The following SMARCAL1 variants were observed in gnomAD, a reference collection of about 807,000 sequenced individuals.
SMARCAL1 encodes the protein ATP-driven annealing helicase.
SMARCAL1 carries 58 observed loss-of-function variants against 94.5 expected under a neutral mutation model. The ratio of observed to expected loss-of-function variants is 0.61; its 90% CI spans 0.50 to 0.76. The LOEUF is 0.76. Among genes scored for constraint, SMARCAL1 ranks in the 30% least tolerant of loss-of-function variants. SMARCAL1 has a pLI of 0.00. For missense variants in SMARCAL1, 1,051 were observed against 1,177.9 expected (o/e 0.89, Z 1.58); for synonymous variants, 422 against 455.1 (o/e 0.93, Z 0.93).
At chr2:216,431,742 A>G (rs996645152) in intron 7 of SMARCAL1, among the ~76,000 whole-genome samples, 2 of 152,178 alleles carry the variant, frequency 1.3e-5, no homozygotes, top group African/African-American at 4.8e-5. Context: ...CTGGCTCTGA[A>G]ATAGTGGAAT....
At chr2:216,435,284 A>C in intron 8 of SMARCAL1, 54 bp from the exon 9 acceptor site, 2 of 1,597,676 alleles carry the variant, frequency 1.3e-6, no homozygotes, top group Non-Finnish European at 8.6e-7. Flanking sequence ...GTCACAACCA[A>C]CAGCTGCTGT....
At chr2:216,432,683 G>A (rs370338158) in intron 7 of SMARCAL1, 35 bp from the exon 8 acceptor site, 98 of 1,613,554 alleles carry the variant, frequency 6.1e-5, no homozygotes, top group African/African-American at 5.5e-4. Context: ...CTCATGCCCC[G>A]GGAAATGTGC....
At chr2:216,423,555 A>G (rs968273516) in intron 5 of SMARCAL1, 78 bp from the exon 6 acceptor site, 131 of 1,221,656 alleles carry the variant, frequency 1.1e-4, no homozygotes, top group Admixed American at 6.9e-4. Flanking sequence ...TATGAAACCA[A>G]GGAATAAATG....
In SMARCAL1 at chr2:216,416,101, T is replaced by C. The variant is rs2306638; in HGVS notation, c.812-156T>C. ...GAATAAAAGAATTATCTATATTTAC[T>C]ATTTGTCCTCTACAGAGATTTTTAT... On this transcript the variant is annotated intron_variant, in intron 3 of 17. Coordinates refer to ENST00000357276, the MANE Select transcript of SMARCAL1 (RefSeq NM_014140.4). The C allele has an allele frequency of 0.036, 24,961 of 697,186 alleles. 1,266 individuals carry two copies. The highest frequency in any genetic ancestry group is 0.16 in the East Asian group (5,576 of 35,502). The allele number at this position is 697,186 out of a possible 1,614,324, so 43.2% of individuals were successfully genotyped here. A position where few individuals can be genotyped will look rare whatever the true frequency, so the allele number is the denominator to read the frequency against.
chr2:216,466,757 C>T (rs193273895), intron 13 of SMARCAL1, among the ~76,000 whole-genome samples: 7 of 152,132 alleles, frequency 4.6e-5, no homozygotes, highest in African/African-American at 7.2e-5. Context: ...ATGCTGTAGC[C>T]GTAAACTTTT....
At chr2:216,466,678 A>G (rs1694836228) in intron 13 of SMARCAL1, among the ~76,000 whole-genome samples, 1 of 152,238 alleles carries the variant, frequency 6.6e-6, no homozygotes, top group Non-Finnish European at 1.5e-5. Flanking sequence ...GGAAAGACGC[A>G]TTAGGAAAAT....
At position 216,482,112 on chromosome 2, in the gene SMARCAL1, A is replaced by T. The variant is rs775041201; in HGVS notation, c.2626-626A>T. On this transcript the variant is annotated intron_variant, in intron 17 of 17. Transcript: ENST00000357276. This position sits in a 1 kb window ranked among gnomAD's most constrained non-coding sequence, Gnocchi z 4.3. ...TGTTAAATGTGTGTATGTTTTTTCA[A>T]CTACTTTGAAAATTAGGTATAAGCC... Among the ~76,000 whole-genome samples the T allele has an allele frequency of 1.3e-5, 2 of 152,160 alleles. No individual in the cohort carries two copies. Among genetic ancestry groups the T allele is most frequent in the South Asian group, 4.1e-4 (2 of 4,822 alleles).
At chr2:216,432,917 G>A in intron 8 of SMARCAL1, 49 bp downstream of exon 8, 1 of 1,608,900 alleles carries the variant, frequency 6.2e-7, no homozygotes. Flanking sequence ...TTTCTTCAGT[G>A]TTAGAGTCAT....
In SMARCAL1 at chr2:216,477,158, C is replaced by T; in HGVS notation, c.2477C>T (p.Ser826Phe). The change falls in exon 16 of 18, where the codon TCC (serine) becomes TTC (phenylalanine). Residue 826 changes from serine (S) to phenylalanine (F), a missense_variant. Ser to Phe is a radical substitution (Grantham distance 155). This residue lies in a region of SMARCAL1 where 642 missense variants were observed against 754.7 expected (regional missense o/e 0.85). Transcript: ENST00000357276. ...GTGCACCGCATTGGACAGACCAGCT[C>T]CGTGGGCATTCACTACCTCGTGGCA... is the stretch of plus-strand genomic sequence containing the variant. The part of the protein sequence containing the change: ...DRVHRIGQTS[S>F]VGIHYLVAKG... 1 of 1,596,842 alleles carries T rather than the reference C, an allele frequency of 6.3e-7. No individual in the cohort carries two copies. The highest frequency in any genetic ancestry group is 8.5e-7 in the Non-Finnish European group (1 of 1,171,836).
intron 9 of SMARCAL1, 98 bp downstream of exon 9, chr2:216,435,594 C>A (rs1416304738): frequency 5.6e-6 from 6 of 1,071,708 alleles, no homozygotes; most frequent in Non-Finnish European, 8.6e-6. Context: ...CCTTGAGCCC[C>A]ATTTAGTTTC....
At chr2:216,462,094 A>G (rs1407392070) in intron 12 of SMARCAL1, among the ~76,000 whole-genome samples, 1 of 152,226 alleles carries the variant, frequency 6.6e-6, no homozygotes, top group Non-Finnish European at 1.5e-5. Flanking sequence ...CATCATCCCC[A>G]AAAGGGCTAG....
At chr2:216,457,386 A>C (rs1574472018) in intron 12 of SMARCAL1, among the ~76,000 whole-genome samples, 2 of 152,240 alleles carry the variant, frequency 1.3e-5, no homozygotes, top group South Asian at 4.1e-4. Context: ...CAGAATATAC[A>C]TTCTTCTCAG....
intron 7 of SMARCAL1, among the ~76,000 whole-genome samples, chr2:216,430,345 A>G (rs1693936636): frequency 6.6e-6 from 1 of 152,234 alleles, no homozygotes; most frequent in Non-Finnish European, 1.5e-5. Context: ...TAATTTATAA[A>G]GCAAAATCTC....
intron 12 of SMARCAL1, among the ~76,000 whole-genome samples, chr2:216,462,883 G>A (rs1377382596): frequency 3.3e-5 from 5 of 152,030 alleles, no homozygotes; most frequent in Admixed American, 6.6e-5. Flanking sequence ...CCAGTTACTT[G>A]GGAGGCTGAG....
At chr2:216,477,289 T>C (rs1695106691) in intron 16 of SMARCAL1, 80 bp downstream of exon 16, 1 of 1,038,700 alleles carries the variant, frequency 9.6e-7, no homozygotes, top group Admixed American at 2.0e-5. Context: ...GCTCCCAAAG[T>C]GCTTCTGCTT....
At chr2:216,444,611 C>T (rs1694264239) in intron 10 of SMARCAL1, among the ~76,000 whole-genome samples, 1 of 152,178 alleles carries the variant, frequency 6.6e-6, no homozygotes, top group African/African-American at 2.4e-5. Context: ...CCTCTGCCTC[C>T]CCTGTTCAAG....
Position 216,482,456 on chromosome 2 carries a change from A to G in SMARCAL1, c.2626-282A>G, listed in dbSNP as rs1434050598. Among the ~76,000 whole-genome samples the G allele has an allele frequency of 3.3e-5, 5 of 152,240 alleles. No individual in the cohort carries two copies. The highest frequency in any genetic ancestry group is 1.3e-4 in the Admixed American group (2 of 15,274). On this transcript the variant is annotated intron_variant, in intron 17 of 17. Coordinates refer to ENST00000357276, the MANE Select transcript of SMARCAL1 (RefSeq NM_014140.4). The surrounding 1 kb of genome is among the most constrained non-coding windows in gnomAD (Gnocchi z 4.3). ...AGTTCAAAGGGAGAAAACATTTCCA[A>G]TGTAAATTATAGCGTGAGAGCAGCT... is the stretch of plus-strand genomic sequence containing the variant.
chr2:216,458,695 A>G (rs1381943837), intron 12 of SMARCAL1, among the ~76,000 whole-genome samples: 2 of 152,202 alleles, frequency 1.3e-5, no homozygotes, highest in African/African-American at 4.8e-5. Context: ...AAATAATAAG[A>G]GCTATTTATG....
Position 216,465,046 on chromosome 2 carries a change from C to G in SMARCAL1, c.2141+379C>G, listed in dbSNP as rs113220605. The stretch of plus-strand genomic sequence containing the variant: ...CCTGTGGTCCCAACTACTCAGGAGG[C>G]TGAGGAGGGAGGATTGCTTGGGAGG... On this transcript the variant is annotated intron_variant, in intron 13 of 17. Coordinates refer to ENST00000357276, the MANE Select transcript of SMARCAL1 (RefSeq NM_014140.4). Among the ~76,000 whole-genome samples the G allele has an allele frequency of 3.2e-3, 493 of 152,254 alleles. 2 individuals are homozygous for G. The highest frequency in any genetic ancestry group is 0.012 in the African/African-American group (480 of 41,550).
Sources: gnomAD v4.1 joint callset for allele counts (sites outside exome capture counted in the v4.1 genomes callset) on GRCh38, gnomAD v4.1.1 for gene constraint, gnomAD v4.1.1 regional missense constraint, Gnocchi (gnomAD v3.1) non-coding constraint, MANE v1.5 for transcripts, NCBI Gene and HGNC (gene_info 2026-07-23, HGNC 2026-07-21) for gene names.